DPYD: variants seen among roughly 807,000 people sequenced by gnomAD.
The protein encoded by DPYD is dihydropyrimidine dehydrogenase [NADP(+)].
A neutral mutation model predicts 116.2 loss-of-function variants in DPYD; 109 were observed. That is an observed-to-expected ratio of 0.94 (90% CI 0.80 to 1.10). The LOEUF is 1.10. Among genes scored for constraint, DPYD ranks in the 50% least tolerant of loss-of-function variants. The pLI is 0.00. For synonymous variants in DPYD, 440 were observed against 432.0 expected (o/e 1.02, Z -0.23); for missense variants, 1,302 against 1,254.5 (o/e 1.04, Z -0.57).
At chr1:97,282,982 G>T (rs1015977728) in intron 18 of DPYD, among the ~76,000 whole-genome samples, 1 of 152,014 alleles carries the variant, frequency 6.6e-6, no homozygotes, top group African/African-American at 2.4e-5. Flanking sequence ...ATCTAGGCTG[G>T]TTCCATGTCT....
At chr1:97,767,821 G>A (rs1665948081) in intron 3 of DPYD, among the ~76,000 whole-genome samples, 2 of 141,132 alleles carry the variant, frequency 1.4e-5, no homozygotes, top group South Asian at 4.5e-4. Context: ...ATCAACTGCA[G>A]ATTAACTAAC....
chr1:97,627,778 A>G (rs1180662327), intron 8 of DPYD, among the ~76,000 whole-genome samples: 1 of 151,938 alleles, frequency 6.6e-6, no homozygotes, highest in East Asian at 1.9e-4. Context: ...GTTGAACATC[A>G]TTAGCAGATT....
At chr1:97,353,070 GA>G (rs918770093) in intron 16 of DPYD, among the ~76,000 whole-genome samples, 1 of 151,470 alleles carries the variant, frequency 6.6e-6, no homozygotes, top group Non-Finnish European at 1.5e-5. Flanking sequence ...CAATAGATAG[GA>G]AAAAAAGGAA....
intron 19 of DPYD, among the ~76,000 whole-genome samples, chr1:97,214,603 A>G (rs1162075737): frequency 6.6e-6 from 1 of 152,224 alleles, no homozygotes; most frequent in Admixed American, 6.5e-5. Context: ...GATAAAATCC[A>G]GAAGGACTGG....
Position 97,382,436 on chromosome 1 carries a change from C to G in DPYD, c.1931G>C (p.Ser644Thr). 6.3e-7 allele frequency: 1 copy of G among 1,596,906 alleles called. No individual in the cohort carries two copies. Among genetic ancestry groups the G allele is most frequent in the Non-Finnish European group, 8.5e-7 (1 of 1,171,314 alleles). Residue 644 changes from serine (S) to threonine (T), a missense_variant, in exon 15 of 23, where the codon AGT becomes ACT. Physicochemically the swap from Ser to Thr is moderately conservative, Grantham distance 58. Coordinates refer to ENST00000370192, the MANE Select transcript of DPYD (RefSeq NM_000110.4). ...TTCCGTCCAGTCATTTTTATTGTAA[C>G]TGCACATAATGCTAGCAATCACAAT... is the stretch of plus-strand genomic sequence containing the variant. ...DNIVIASIMC[S>T]YNKNDWTELA... is the part of the protein sequence containing the mutation.
chr1:97,867,087 C>T (rs1671422762), intron 2 of DPYD, among the ~76,000 whole-genome samples: 1 of 151,862 alleles, frequency 6.6e-6, no homozygotes, highest in African/African-American at 2.4e-5. Context: ...GAGGCAGAGA[C>T]ATCAGATAGG....
At chr1:97,408,698 A>T (rs1398785917) in intron 14 of DPYD, among the ~76,000 whole-genome samples, 1 of 152,160 alleles carries the variant, frequency 6.6e-6, no homozygotes, top group East Asian at 1.9e-4. Flanking sequence ...GGAGATTAAC[A>T]TTTGATTCAG....
chr1:97,762,836 T>C (rs1001678474), intron 3 of DPYD, among the ~76,000 whole-genome samples: 1 of 152,080 alleles, frequency 6.6e-6, no homozygotes, highest in Non-Finnish European at 1.5e-5. Context: ...GAAATAGCAG[T>C]CTCTTAAAAG....
rs1363194149 is a variant in DPYD, at chr1:97,079,163, AG to A, written c.2908-18del. On this transcript the variant is annotated intron_variant, in intron 22 of 22. Coordinates refer to ENST00000370192, the MANE Select transcript of DPYD (RefSeq NM_000110.4). ...CTGTATAGCCTGCAAACAGAAATAG[AG>A]GGTATTGATGTCACTGACCACAAAG... is the stretch of plus-strand genomic sequence containing the variant. The A allele has an allele frequency of 1.9e-6, 3 of 1,612,722 alleles. No individual in the cohort carries two copies. The highest frequency in any genetic ancestry group is 2.2e-5 in the East Asian group (1 of 44,848).
intron 13 of DPYD, among the ~76,000 whole-genome samples, chr1:97,465,282 G>T (rs539407180): frequency 6.6e-5 from 10 of 152,262 alleles, no homozygotes; most frequent in African/African-American, 2.4e-4. Flanking sequence ...GAAGTAACTT[G>T]CCTTGTATTG....
chr1:97,505,413 T>C (rs1353166524), intron 13 of DPYD, among the ~76,000 whole-genome samples: 2 of 150,504 alleles, frequency 1.3e-5, no homozygotes, highest in Non-Finnish European at 3.0e-5. Flanking sequence ...CTATCCCTTC[T>C]CCCTAGAATA....
intron 20 of DPYD, among the ~76,000 whole-genome samples, chr1:97,172,235 C>A (rs1452532626): frequency 6.6e-6 from 1 of 152,102 alleles, no homozygotes; most frequent in Non-Finnish European, 1.5e-5. Flanking sequence ...TTATAAACTC[C>A]AGGACACATA....
At position 97,583,644 on chromosome 1, in the gene DPYD, T is replaced by A. The variant is rs553185143; in HGVS notation, c.1128+9574A>T. Among the ~76,000 whole-genome samples the A allele has an allele frequency of 1.1e-4, 14 of 132,694 alleles. No homozygotes were observed. In the East Asian group the frequency reaches 2.7e-3, roughly 26 times the overall value. 87.1% of individuals were successfully genotyped at this position (132,694 alleles called of 152,430 possible). ...TGCTTTTTTATATATTGCTTGCTCG[T>A]ATTTCCTTTTTTTTTTTTTTTTTAG... is the stretch of plus-strand genomic sequence containing the variant. On this transcript the variant is annotated intron_variant, in intron 10 of 22. Coordinates refer to ENST00000370192, the MANE Select transcript of DPYD (RefSeq NM_000110.4).
intron 3 of DPYD, among the ~76,000 whole-genome samples, chr1:97,799,650 G>T (rs1218809672): frequency 6.6e-6 from 1 of 151,824 alleles, no homozygotes; most frequent in Non-Finnish European, 1.5e-5. Context: ...CTTTCACTGA[G>T]AATACTTTAA....
chr1:97,113,697 T>A (rs1038300355), intron 20 of DPYD, among the ~76,000 whole-genome samples: 1 of 152,128 alleles, frequency 6.6e-6, no homozygotes, highest in Non-Finnish European at 1.5e-5. Flanking sequence ...TTACCTTCAT[T>A]TATTACAAAT....
intron 20 of DPYD, among the ~76,000 whole-genome samples, chr1:97,117,134 A>G (rs1444891531): frequency 4.6e-5 from 7 of 151,894 alleles, no homozygotes; most frequent in African/African-American, 1.7e-4. Context: ...ACTGCATTCC[A>G]GCCTGGACAA....
chr1:97,314,571 G>A lies in DPYD; in HGVS notation c.2059-8274C>T, dbSNP rs575749498. ...GTTTAGTTAATTCCTGACTGCCAGC[G>A]TTCTTTCAGGCACTATTTTAATTCT... On this transcript the variant is annotated intron_variant, in intron 16 of 22. Transcript: ENST00000370192. Among the ~76,000 whole-genome samples, 3 of 145,604 alleles carry A rather than the reference G, an allele frequency of 2.1e-5. No individual in the cohort carries two copies. The South Asian group carries it at 6.5e-4, about 31-fold the overall frequency.
chr1:97,859,372 C>T lies in DPYD; in HGVS notation c.150+23892G>A, dbSNP rs72734069. Among the ~76,000 whole-genome samples the T allele has an allele frequency of 6.0e-3, 920 of 152,208 alleles. 7 individuals carry two copies. The highest frequency in any genetic ancestry group is 0.021 in the African/African-American group (860 of 41,524). On this transcript the variant is annotated intron_variant, in intron 2 of 22. Coordinates refer to ENST00000370192, the MANE Select transcript of DPYD (RefSeq NM_000110.4). Reference sequence around the variant, plus strand: ...GAATGATCAACCTGGAGATTCATTCCTTATCTATAAAGAACATCTGAACCT... The same window carrying T: ...GAATGATCAACCTGGAGATTCATTCTTTATCTATAAAGAACATCTGAACCT...
intron 8 of DPYD, among the ~76,000 whole-genome samples, chr1:97,677,650 T>C (rs1327169543): frequency 6.6e-6 from 1 of 152,130 alleles, no homozygotes; most frequent in Non-Finnish European, 1.5e-5. Flanking sequence ...ATTAAGATCA[T>C]ACAGACAGAT....
Sources: gnomAD v4.1 joint callset for allele counts (sites outside exome capture counted in the v4.1 genomes callset) on GRCh38, gnomAD v4.1.1 for gene constraint, MANE v1.5 for transcripts, NCBI Gene and HGNC (gene_info 2026-07-23, HGNC 2026-07-21) for gene names.